The following WDFY4 variants were observed in gnomAD, a reference collection of about 807,000 sequenced individuals.
The protein encoded by WDFY4 is WD repeat- and FYVE domain-containing protein 4.
Under a neutral mutation model 351.9 loss-of-function variants are expected in WDFY4, and 169 were observed. That is an observed-to-expected ratio of 0.48 (90% CI 0.42 to 0.55). The LOEUF is 0.55. WDFY4 is among the 20% of genes least tolerant of loss of function. The pLI is 0.00. For missense variants in WDFY4, 3,803 were observed against 3,935.6 expected (o/e 0.97, Z 0.90); for synonymous variants, 1,622 against 1,574.6 (o/e 1.03, Z -0.71).
intron 23 of WDFY4, among the ~76,000 whole-genome samples, chr10:48,794,096 G>A (rs536093546): frequency 7.2e-5 from 11 of 152,290 alleles, no homozygotes; most frequent in Non-Finnish European, 2.9e-5. Flanking sequence ...GGAGGGTAGG[G>A]AGCCATAGCC....
At chr10:48,960,352 T>C (rs4614357) in intron 53 of WDFY4, among the ~76,000 whole-genome samples, 71,683 of 152,058 alleles carry the variant, frequency 0.47, 17,308 homozygotes, top group Non-Finnish European at 0.54. Context: ...AAATTAAAAC[T>C]ACCATGAGAT....
chr10:48,884,236 A>G (rs1589809761), intron 43 of WDFY4: 1 of 152,310 alleles, frequency 6.6e-6, no homozygotes, highest in East Asian at 1.9e-4. Context: ...CATCTTCTAC[A>G]AGCTCCTCCC....
chr10:48,884,473 C>CTTAA (rs1189298613), intron 43 of WDFY4: 2 of 152,154 alleles, frequency 1.3e-5, no homozygotes, highest in African/African-American at 4.8e-5. Context: ...CTTACACATG[C>CTTAA]GCATAAACAC....
At chr10:48,900,170 G>A (rs192135156) in intron 45 of WDFY4, 51 bp from the exon 46 acceptor site, 69 of 1,500,774 alleles carry the variant, frequency 4.6e-5, no homozygotes, top group South Asian at 7.4e-5. Flanking sequence ...ACCCTGGGGC[G>A]TCTCTAGTCC....
Position 48,875,942 on chromosome 10 carries a change from A to T in WDFY4, c.7000+802A>T, listed in dbSNP as rs540313924. On this transcript the variant is annotated intron_variant, in intron 42 of 61. Transcript: ENST00000325239. The stretch of plus-strand genomic sequence containing the variant: ...CCCAAGCCCTACAACTCTCACATGG[A>T]ATGATTGCCTGCCTGCTCCAGCTCC... Among the ~76,000 whole-genome samples the T allele has an allele frequency of 1.6e-4, 25 of 152,244 alleles. No individual in the cohort carries two copies. In the East Asian group the frequency reaches 3.9e-3, roughly 24 times the overall value.
At chr10:48,832,805 T>C in intron 39 of WDFY4, 96 bp downstream of exon 39, 1 of 1,390,408 alleles carries the variant, frequency 7.2e-7, no homozygotes, top group Non-Finnish European at 9.4e-7. Context: ...CTAGACATGA[T>C]CTAACTCCAC....
At chr10:48,705,137 G>A (rs896552669) in intron 1 of WDFY4, among the ~76,000 whole-genome samples, 2 of 152,184 alleles carry the variant, frequency 1.3e-5, no homozygotes, top group South Asian at 4.1e-4. Flanking sequence ...CAGACGTGGT[G>A]TCTGTTTAAC....
Position 48,976,625 on chromosome 10 carries a change from T to C in WDFY4, c.9109-172T>C, listed in dbSNP as rs142713373. On this transcript the variant is annotated intron_variant, in intron 58 of 61. Coordinates refer to ENST00000325239, the MANE Select transcript of WDFY4 (RefSeq NM_001394531.1). ...AAAGAACCAAGAATTTACAACTGTG[T>C]GAAAACACAGCAGACCTGTAAGTCA... The C allele has an allele frequency of 2.0e-3, 922 of 463,810 alleles. 6 individuals carry two copies. The highest frequency in any genetic ancestry group is 0.017 in the African/African-American group (858 of 49,980). The allele number at this position is 463,810 out of a possible 1,614,324, so 28.7% of individuals were successfully genotyped here.
At chr10:48,912,050 C>T (rs4838657) in intron 47 of WDFY4, among the ~76,000 whole-genome samples, 43,478 of 152,050 alleles carry the variant, frequency 0.29, 7,536 homozygotes, top group East Asian at 0.72. Context: ...ATAGGAAAGT[C>T]CTGGGGGAAA....
chr10:48,787,449 G>A (rs1466357002), intron 20 of WDFY4, among the ~76,000 whole-genome samples: 2 of 152,232 alleles, frequency 1.3e-5, no homozygotes, highest in Non-Finnish European at 2.9e-5. Flanking sequence ...ACTGGCCAGA[G>A]CAATGGGACG....
chr10:48,862,804 C>T (rs1264293719), intron 39 of WDFY4, among the ~76,000 whole-genome samples: 1 of 152,150 alleles, frequency 6.6e-6, no homozygotes, highest in African/African-American at 2.4e-5. Flanking sequence ...GTGCCACCAT[C>T]ACTGTAATCA....
chr10:48,790,753 G>A lies in WDFY4; in HGVS notation c.4093G>A (p.Ala1365Thr). ...LGVRVFHSSP[A>T]ASSLDFIGGP... Reference sequence around the variant, plus strand: ...GGTGAGGGTATTCCACTCCAGCCCTGCTGCCAGCAGCCTGGACTTCATTGG... The same window carrying A: ...GGTGAGGGTATTCCACTCCAGCCCTACTGCCAGCAGCCTGGACTTCATTGG... The change falls in exon 23 of 62, where the codon GCT becomes ACT. Residue 1365 changes from alanine to threonine, a missense_variant. Ala to Thr is a moderately conservative substitution (Grantham distance 58). Around this residue, in one of 3 missense-constraint regions of WDFY4, gnomAD observed 3,054 missense variants for 3,148.6 expected, o/e 0.97. Transcript: ENST00000325239. The A allele has an allele frequency of 6.4e-7, 1 of 1,551,812 alleles. No homozygotes were observed. The highest frequency in any genetic ancestry group is 8.7e-7 in the Non-Finnish European group (1 of 1,147,008).
Position 48,982,537 on chromosome 10 carries a change from G to A in WDFY4, c.9517G>A (p.Glu3173Lys). ...RNHTKLLVGD[E>K]RGRIFCWSAD... Reference sequence around the variant, plus strand: ...CCACACCAAACTCCTGGTTGGTGATGAGAGGGGGAGAATATTCTGCTGGTC... The same window carrying A: ...CCACACCAAACTCCTGGTTGGTGATAAGAGGGGGAGAATATTCTGCTGGTC... The change falls in exon 62 of 62, where the codon GAG becomes AAG. Residue 3173 changes from glutamate (E) to lysine (K), a missense_variant. By Grantham distance (56) the Glu-to-Lys change is moderately conservative (BLOSUM62 1). Around this residue, in one of 3 missense-constraint regions of WDFY4, gnomAD observed 3,054 missense variants for 3,148.6 expected, o/e 0.97. Coordinates refer to ENST00000325239, the MANE Select transcript of WDFY4 (RefSeq NM_001394531.1). 6.5e-7 allele frequency: 1 copy of A among 1,535,244 alleles called. No homozygotes were observed.
intron 1 of WDFY4, among the ~76,000 whole-genome samples, chr10:48,687,771 C>T (rs1473537251): frequency 6.8e-6 from 1 of 147,550 alleles, no homozygotes; most frequent in Non-Finnish European, 1.5e-5. Flanking sequence ...CATGCCACCA[C>T]ACCTGGCTAA....
intron 1 of WDFY4, among the ~76,000 whole-genome samples, chr10:48,685,591 G>C (rs1016976058): frequency 2.0e-5 from 3 of 152,160 alleles, no homozygotes; most frequent in Non-Finnish European, 4.4e-5. Context: ...GCAAACCATT[G>C]AAACGCCTGC....
rs376682024 is a variant in WDFY4 at position 48,806,042 on chromosome 10, C to T, written c.4685C>T (p.Ser1562Leu). ...GTTGTGTACACCCTCAAGCCTTCGT[C>T]GGTGAATGAGAGGCAGATCTGCATG... Reference protein sequence around the residue: ...LFVVYTLKPSSVNERQICMDG... With the variant: ...LFVVYTLKPSLVNERQICMDG... Residue 1562 changes from serine (S) to leucine (L), a missense_variant, in exon 27 of 62, where the codon TCG becomes TTG. Around this residue, in one of 3 missense-constraint regions of WDFY4, gnomAD observed 3,054 missense variants for 3,148.6 expected, o/e 0.97. Coordinates refer to ENST00000325239, the MANE Select transcript of WDFY4 (RefSeq NM_001394531.1). The T allele has an allele frequency of 2.9e-5, 45 of 1,551,714 alleles. No individual in the cohort carries two copies. The highest frequency in any genetic ancestry group is 2.0e-4 in the Admixed American group (10 of 51,010).
chr10:48,856,784 C>G (rs2069149257), intron 39 of WDFY4, among the ~76,000 whole-genome samples: 1 of 152,072 alleles, frequency 6.6e-6, no homozygotes, highest in Non-Finnish European at 1.5e-5. Context: ...AATATTGGTT[C>G]CCTGAGTTAT....
In WDFY4 at chr10:48,701,640, C is replaced by T. The variant is rs185550895; in HGVS notation, c.-17-8076C>T. On this transcript the variant is annotated intron_variant, in intron 1 of 61. Coordinates refer to ENST00000325239, the MANE Select transcript of WDFY4 (RefSeq NM_001394531.1). ...TCTGTGGACAGGAGCCTTGACCTGTCCCCAGCTGGTGGCATCTTGAGGAAA... is the reference window on the plus strand; with the variant it reads ...TCTGTGGACAGGAGCCTTGACCTGTTCCCAGCTGGTGGCATCTTGAGGAAA... Among the ~76,000 whole-genome samples, 52 of 152,242 alleles carry T rather than the reference C, an allele frequency of 3.4e-4. 1 individual carries two copies. In the East Asian group the frequency reaches 8.7e-3, roughly 25 times the overall value.
intron 51 of WDFY4, among the ~76,000 whole-genome samples, chr10:48,951,484 A>T (rs189885026): frequency 1.3e-5 from 2 of 152,190 alleles, no homozygotes; most frequent in Non-Finnish European, 2.9e-5. Context: ...GCATGATCAT[A>T]GTTCATAGCA....
Sources: allele counts gnomAD v4.1 joint callset (sites outside exome capture counted in the v4.1 genomes callset), GRCh38; gene constraint gnomAD v4.1.1; regional missense constraint gnomAD v4.1.1; transcripts MANE v1.5; gene names NCBI Gene and HGNC (gene_info 2026-07-23, HGNC 2026-07-21).